Variants in TBC1D8 observed in about 807,000 individuals in gnomAD.
The protein encoded by TBC1D8 is BUB2-like protein 1.
In TBC1D8, 65 loss-of-function variants were observed where a neutral mutation model predicts 118.8. That is an observed-to-expected ratio of 0.55 (90% confidence interval 0.45 to 0.67). TBC1D8 has a LOEUF of 0.67. TBC1D8 is among the 30% of genes least tolerant of loss of function. TBC1D8 has a pLI of 0.00. For missense variants in TBC1D8, 1,376 were observed against 1,471.2 expected (o/e 0.94, Z 1.06); for synonymous variants, 566 against 595.8 (o/e 0.95, Z 0.73).
At chr2:101,072,084 C>A (rs1674488744) in intron 2 of TBC1D8, among the ~76,000 whole-genome samples, 1 of 152,228 alleles carries the variant, frequency 6.6e-6, no homozygotes, top group African/African-American at 2.4e-5. Flanking sequence ...AGCTCTTGGG[C>A]AACCAGGTGC....
At chr2:101,119,718 C>T (rs1678015128) in intron 1 of TBC1D8, among the ~76,000 whole-genome samples, 1 of 152,240 alleles carries the variant, frequency 6.6e-6, no homozygotes, top group Non-Finnish European at 1.5e-5. Flanking sequence ...AGGCTCTTGA[C>T]TCTGCCACTA....
At chr2:101,059,281 T>C in intron 3 of TBC1D8, 140 bp downstream of exon 3, 1 of 556,982 alleles carries the variant, frequency 1.8e-6, no homozygotes, top group Non-Finnish European at 3.2e-6. Context: ...AGACAGGTGA[T>C]AAATGAAACT....
intron 2 of TBC1D8, among the ~76,000 whole-genome samples, chr2:101,060,052 G>A (rs534142870): frequency 4.4e-4 from 67 of 152,332 alleles, no homozygotes; most frequent in African/African-American, 1.4e-3. Context: ...ATGTGCAAGC[G>A]TCACTCCCAC....
At chr2:101,056,347 G>A (rs1484372993) in intron 3 of TBC1D8, among the ~76,000 whole-genome samples, 1 of 148,094 alleles carries the variant, frequency 6.8e-6, no homozygotes, top group Non-Finnish European at 1.5e-5. Flanking sequence ...GGGACTACAG[G>A]TGCCTGCCAC....
intron 2 of TBC1D8, among the ~76,000 whole-genome samples, chr2:101,071,561 A>C (rs1488757325): frequency 6.6e-6 from 1 of 152,194 alleles, no homozygotes; most frequent in Non-Finnish European, 1.5e-5. Flanking sequence ...ATTATTTGAT[A>C]ATAGAACTTA....
chr2:101,056,657 A>T (rs909901597), intron 3 of TBC1D8, among the ~76,000 whole-genome samples: 3 of 152,156 alleles, frequency 2.0e-5, no homozygotes, highest in Non-Finnish European at 4.4e-5. Flanking sequence ...AGCATATCTA[A>T]TATATAATGA....
intron 1 of TBC1D8, among the ~76,000 whole-genome samples, chr2:101,100,273 G>A (rs1255821565): frequency 6.6e-6 from 1 of 152,086 alleles, no homozygotes; most frequent in Non-Finnish European, 1.5e-5. Flanking sequence ...TCACTACAAA[G>A]AGAATAAAAT....
intron 1 of TBC1D8, among the ~76,000 whole-genome samples, chr2:101,099,359 C>G (rs1251895723): frequency 6.6e-6 from 1 of 152,144 alleles, no homozygotes; most frequent in Non-Finnish European, 1.5e-5. Flanking sequence ...GAAATTGAGG[C>G]AGTAATTAAT....
chr2:101,108,681 T>A (rs1000785120), intron 1 of TBC1D8, among the ~76,000 whole-genome samples: 2 of 152,102 alleles, frequency 1.3e-5, no homozygotes, highest in African/African-American at 4.8e-5. Context: ...GATCCCCTCG[T>A]CCAGTTATAA....
intron 1 of TBC1D8, among the ~76,000 whole-genome samples, chr2:101,120,665 T>C (rs1558719175): frequency 6.6e-6 from 1 of 152,216 alleles, no homozygotes; most frequent in East Asian, 1.9e-4. Flanking sequence ...ACAAGGCCCA[T>C]GCAAAGATGT....
chr2:101,137,776 A>G (rs1381442874), intron 1 of TBC1D8, among the ~76,000 whole-genome samples: 2 of 152,174 alleles, frequency 1.3e-5, no homozygotes, highest in Admixed American at 6.5e-5. Context: ...TGTGACATGA[A>G]ATGCCAAACC....
In TBC1D8 at chr2:101,029,557, A is replaced by T; in HGVS notation, c.2156T>A (p.Leu719His). ...KAIFQLGLAV[L>H]EANAEDLCSS... ...GCACAGGTCCTCAGCATTGGCCTCA[A>T]GCACAGCCAGTCCCAGCTGGAAGAT... Residue 719 changes from leucine (L) to histidine (H), a missense_variant, in exon 12 of 20, where the codon CTT becomes CAT. Transcript: ENST00000409318. The T allele has an allele frequency of 6.2e-7, 1 of 1,614,036 alleles. No homozygotes were observed. The highest frequency in any genetic ancestry group is 8.5e-7 in the Non-Finnish European group (1 of 1,179,894).
intron 17 of TBC1D8, among the ~76,000 whole-genome samples, chr2:101,017,404 A>G (rs1453481260): frequency 2.0e-5 from 3 of 152,364 alleles, no homozygotes; most frequent in Non-Finnish European, 4.4e-5. Flanking sequence ...ATACTTTTAT[A>G]CAACGGCAAT....
intron 11 of TBC1D8, among the ~76,000 whole-genome samples, chr2:101,030,536 C>A (rs1680609449): frequency 6.6e-6 from 1 of 152,172 alleles, no homozygotes; most frequent in African/African-American, 2.4e-5. Flanking sequence ...GTGGAGCAAG[C>A]TGAATTCTCC....
chr2:101,065,546 C>CT, intron 2 of TBC1D8, among the ~76,000 whole-genome samples: 1 of 152,322 alleles, frequency 6.6e-6, no homozygotes, highest in East Asian at 1.9e-4. Context: ...ACTGTAACAT[C>CT]TAATCTGTAA....
At chr2:101,011,365 A>G (rs1679195935) in intron 18 of TBC1D8, 86 bp downstream of exon 18, 1 of 1,303,628 alleles carries the variant, frequency 7.7e-7, no homozygotes, top group African/African-American at 1.5e-5. Flanking sequence ...CAAGGCTGCT[A>G]CAAGAAGAGG....
rs761476853 is a variant in TBC1D8 at position 101,036,113 on chromosome 2, C to T, written c.1508G>A (p.Arg503Lys). The T allele has an allele frequency of 2.5e-6, 4 of 1,614,022 alleles. No homozygotes were observed. The South Asian group carries it at 4.4e-5, about 18-fold the overall frequency. ...LWNDHFVEYG[R>K]TVCMFRTEKI... Reference sequence around the variant, plus strand: ...CTCTGTGCGAAACATACACACGGTTCTGCCGTATTCCACAAAGTGGTCATT... The same window carrying T: ...CTCTGTGCGAAACATACACACGGTTTTGCCGTATTCCACAAAGTGGTCATT... The change falls in exon 9 of 20, where the codon AGA (arginine) becomes AAA (lysine). Residue 503 changes from arginine (R) to lysine (K), a missense_variant. By Grantham distance (26) the Arg-to-Lys change is conservative. Transcript: ENST00000409318.
intron 9 of TBC1D8, among the ~76,000 whole-genome samples, chr2:101,035,476 T>C (rs1363814030): frequency 1.3e-5 from 2 of 152,080 alleles, no homozygotes; most frequent in Non-Finnish European, 2.9e-5. Flanking sequence ...GCCCCGGGGC[T>C]CTGAAGCTAA....
chr2:101,080,494 A>G (rs1411027872), intron 2 of TBC1D8, among the ~76,000 whole-genome samples: 1 of 152,186 alleles, frequency 6.6e-6, no homozygotes, highest in Non-Finnish European at 1.5e-5. Flanking sequence ...ACAGTGATGC[A>G]GACTGCAAGA....
Sources: gnomAD v4.1 joint callset for allele counts (sites outside exome capture counted in the v4.1 genomes callset) on GRCh38, gnomAD v4.1.1 for gene constraint, MANE v1.5 for transcripts, NCBI Gene and HGNC (gene_info 2026-07-23, HGNC 2026-07-21) for gene names.